Variants in XKR4 observed in about 807,000 individuals in gnomAD.
XKR4 encodes XK-related protein 4.
XKR4 carries 12 observed loss-of-function variants against 53.9 expected under a neutral mutation model. The ratio of observed to expected loss-of-function variants is 0.22; its 90% CI spans 0.14 to 0.36. XKR4 has a LOEUF of 0.36. XKR4 is among the 10% of genes least tolerant of loss of function. The probability of loss-of-function intolerance (pLI) is 1.00; values close to 1 mark genes in which losing one functional copy is unlikely to be tolerated. For synonymous variants in XKR4, 354 were observed against 362.4 expected (o/e 0.98, Z 0.26); for missense variants, 799 against 859.5 (o/e 0.93, Z 0.88).
chr8:55,306,628 C>T (rs1477628494), intron 1 of XKR4, among the ~76,000 whole-genome samples: 1 of 152,228 alleles, frequency 6.6e-6, no homozygotes, highest in Admixed American at 6.5e-5. Context: ...GATTTACTCA[C>T]TATCATGAGA....
At chr8:55,307,979 G>C (rs1017857205) in intron 1 of XKR4, among the ~76,000 whole-genome samples, 2 of 152,120 alleles carry the variant, frequency 1.3e-5, no homozygotes, top group Non-Finnish European at 2.9e-5. Context: ...AGAGGGCCAG[G>C]CATGGTATCT....
At chr8:55,438,590 G>GCAAA (rs1554525578) in intron 2 of XKR4, among the ~76,000 whole-genome samples, 27,610 of 99,338 alleles carry the variant, frequency 0.28, 4,528 homozygotes, top group Non-Finnish European at 0.32. Context: ...ACTCCATCTT[G>GCAAA]AAAAAAAAAA....
At chr8:55,374,344 C>T (rs936108091) in intron 2 of XKR4, among the ~76,000 whole-genome samples, 1 of 152,196 alleles carries the variant, frequency 6.6e-6, no homozygotes, top group East Asian at 1.9e-4. Context: ...TGAATAAGTG[C>T]TTAAGTGGTC....
chr8:55,302,367 G>C (rs1432966213), intron 1 of XKR4, among the ~76,000 whole-genome samples: 5 of 108,480 alleles, frequency 4.6e-5, no homozygotes, highest in African/African-American at 1.4e-4. Context: ...CTCTGTTTTG[G>C]TACCAGTACC....
chr8:55,191,407 T>C (rs1817442740), intron 1 of XKR4, among the ~76,000 whole-genome samples: 1 of 152,188 alleles, frequency 6.6e-6, no homozygotes, highest in African/African-American at 2.4e-5. Context: ...ATCTATGGCA[T>C]TAGACTTTTA....
intron 2 of XKR4, among the ~76,000 whole-genome samples, chr8:55,494,924 G>T (rs1318978037): frequency 6.6e-6 from 1 of 152,136 alleles, no homozygotes; most frequent in Non-Finnish European, 1.5e-5. Flanking sequence ...CTGGAAGGTG[G>T]GGCATCACCA....
At chr8:55,198,403 C>A (rs771370680) in intron 1 of XKR4, among the ~76,000 whole-genome samples, 1 of 151,956 alleles carries the variant, frequency 6.6e-6, no homozygotes, top group Non-Finnish European at 1.5e-5. Flanking sequence ...AAAAGAGCAA[C>A]TTTAAACTGA....
At chr8:55,356,821 C>T (rs2129384279) in intron 1 of XKR4, among the ~76,000 whole-genome samples, 1 of 152,244 alleles carries the variant, frequency 6.6e-6, no homozygotes, top group African/African-American at 2.4e-5. Flanking sequence ...TATTCCATCT[C>T]TACCAACCCT....
chr8:55,291,687 T>A (rs990134653), intron 1 of XKR4, among the ~76,000 whole-genome samples: 7 of 152,152 alleles, frequency 4.6e-5, no homozygotes, highest in Admixed American at 1.3e-4. Context: ...ACAACTGAGT[T>A]TTTTATGTTA....
chr8:55,534,297 T>C lies in XKR4; in HGVS notation c.*10070T>C, dbSNP rs774530344. On this transcript the variant is annotated 3_prime_UTR_variant, in exon 3 of 3. Transcript: ENST00000327381. ...AGATCCATTTCTATGTGGAATTGGC[T>C]ATCCTGTTGCTTCTCAGGCCCTGCA... The C allele has an allele frequency of 1.9e-4, 29 of 151,320 alleles. No individual in the cohort carries two copies. The highest frequency in any genetic ancestry group is 3.7e-4 in the Non-Finnish European group (25 of 67,880). The allele number at this position is 151,320 out of a possible 1,614,324, so 9.4% of individuals were successfully genotyped here. A position where few individuals can be genotyped will look rare whatever the true frequency, so the allele number is the denominator to read the frequency against.
At position 55,313,761 on chromosome 8, in the gene XKR4, G is replaced by A. The variant is rs562897918; in HGVS notation, c.807-43917G>A. Among the ~76,000 whole-genome samples, 3 of 152,314 alleles carry A rather than the reference G, an allele frequency of 2.0e-5. No homozygotes were observed. In the South Asian group the frequency reaches 6.2e-4, roughly 32 times the overall value. Reference sequence around the variant, plus strand: ...TCCAGTGATTTGGCCTGGGAGGATAGCCACTGAGATCTTCTCATGCTGGGG... The same window carrying A: ...TCCAGTGATTTGGCCTGGGAGGATAACCACTGAGATCTTCTCATGCTGGGG... On this transcript the variant is annotated intron_variant, in intron 1 of 2. Coordinates refer to ENST00000327381, the MANE Select transcript of XKR4 (RefSeq NM_052898.2).
At chr8:55,143,717 G>T (rs116011032) in intron 1 of XKR4, among the ~76,000 whole-genome samples, 473 of 152,320 alleles carry the variant, frequency 3.1e-3, no homozygotes, top group African/African-American at 0.011. Flanking sequence ...AGTCAGGAAA[G>T]GATGTGCCTC....
At chr8:55,290,870 G>A (rs1819009098) in intron 1 of XKR4, among the ~76,000 whole-genome samples, 1 of 152,028 alleles carries the variant, frequency 6.6e-6, no homozygotes, top group South Asian at 2.1e-4. Flanking sequence ...CTTTTGCAGA[G>A]CAAAAGTTTT....
intron 1 of XKR4, among the ~76,000 whole-genome samples, chr8:55,149,509 A>G (rs564739257): frequency 6.6e-6 from 1 of 152,304 alleles, no homozygotes; most frequent in Admixed American, 6.5e-5. Context: ...AGCCTTTGGC[A>G]TCGAGAAAAA....
chr8:55,216,062 A>G (rs527715681), intron 1 of XKR4, among the ~76,000 whole-genome samples: 1 of 152,356 alleles, frequency 6.6e-6, no homozygotes, highest in East Asian at 1.9e-4. Flanking sequence ...TAAACCAGAC[A>G]ATTGTGGAAA....
chr8:55,490,861 A>G (rs539098999), intron 2 of XKR4, among the ~76,000 whole-genome samples: 6 of 152,124 alleles, frequency 3.9e-5, no homozygotes, highest in South Asian at 2.1e-4. Flanking sequence ...TGGTTTGTTG[A>G]GAACCTTGGT....
chr8:55,373,471 C>T (rs1804101692), intron 2 of XKR4, among the ~76,000 whole-genome samples: 1 of 152,188 alleles, frequency 6.6e-6, no homozygotes, highest in Non-Finnish European at 1.5e-5. Flanking sequence ...CTGGCCAACA[C>T]TCCAAAAATA....
intron 1 of XKR4, among the ~76,000 whole-genome samples, chr8:55,327,816 A>T (rs778653646): frequency 1.3e-5 from 2 of 152,218 alleles, no homozygotes; most frequent in Non-Finnish European, 1.5e-5. Context: ...GACATTTTAC[A>T]TGGAGAAAAA....
intron 1 of XKR4, among the ~76,000 whole-genome samples, chr8:55,122,579 T>A (rs967893853): frequency 6.6e-6 from 1 of 152,220 alleles, no homozygotes; most frequent in African/African-American, 2.4e-5. Context: ...GACTTGTGAA[T>A]AGTCAGTATG....
Sources: allele counts gnomAD v4.1 joint callset (sites outside exome capture counted in the v4.1 genomes callset), GRCh38; gene constraint gnomAD v4.1.1; transcripts MANE v1.5; gene names NCBI Gene and HGNC (gene_info 2026-07-23, HGNC 2026-07-21).